Variants in MTMR7 observed in about 807,000 individuals in gnomAD.
The protein encoded by MTMR7 is phosphatidylinositol-3-phosphate phosphatase MTMR7.
In MTMR7, 76 loss-of-function variants were observed where a neutral mutation model predicts 81.2. That is an observed-to-expected ratio of 0.94 (90% CI 0.78 to 1.13). MTMR7 has a LOEUF of 1.13. Ranked by LOEUF, MTMR7 falls within the 50% of genes most tolerant of loss-of-function variation. The probability of loss-of-function intolerance (pLI) is 0.00; values close to 1 mark genes in which losing one functional copy is unlikely to be tolerated. For missense variants in MTMR7, 1,044 were observed against 820.0 expected, an observed-to-expected ratio of 1.27 and a Z score of -3.34; for synonymous variants, 372 against 289.8, an observed-to-expected ratio of 1.28 and a Z score of -2.88.
chr8:17,345,054 T>G (rs989236164), intron 5 of MTMR7, among the ~76,000 whole-genome samples: 6 of 152,312 alleles, frequency 3.9e-5, no homozygotes, highest in Admixed American at 1.3e-4. Context: ...CGAACGCACA[T>G]GACTAAGCAT....
chr8:17,395,946 G>C (rs1162812641), intron 1 of MTMR7, among the ~76,000 whole-genome samples: 1 of 152,142 alleles, frequency 6.6e-6, no homozygotes, highest in African/African-American at 2.4e-5. Context: ...ACTGGGAAAT[G>C]TATTTAGAGT....
chr8:17,306,393 A>G (rs75828577), intron 10 of MTMR7, among the ~76,000 whole-genome samples: 4,442 of 152,152 alleles, frequency 0.029, 233 homozygotes, highest in African/African-American at 0.1. Flanking sequence ...ACAACTTGAA[A>G]AAAAAAAATA....
At chr8:17,405,436 C>T (rs1247528079) in intron 1 of MTMR7, among the ~76,000 whole-genome samples, 1 of 152,150 alleles carries the variant, frequency 6.6e-6, no homozygotes, top group Non-Finnish European at 1.5e-5. Context: ...CATATGGATG[C>T]TGCACAGAGC....
intron 3 of MTMR7, among the ~76,000 whole-genome samples, chr8:17,368,340 C>A (rs913982479): frequency 9.9e-5 from 15 of 152,196 alleles, no homozygotes; most frequent in Non-Finnish European, 2.1e-4. Flanking sequence ...GGGACCCCTG[C>A]TCTACAGAAC....
chr8:17,369,765 C>G (rs1820354903), intron 3 of MTMR7, among the ~76,000 whole-genome samples: 1 of 151,236 alleles, frequency 6.6e-6, no homozygotes, highest in African/African-American at 2.4e-5. Context: ...CCTGCCTCAG[C>G]CTCCCAAGTA....
chr8:17,314,584 T>G (rs1817965934), intron 7 of MTMR7, among the ~76,000 whole-genome samples: 1 of 152,142 alleles, frequency 6.6e-6, no homozygotes, highest in Non-Finnish European at 1.5e-5. Flanking sequence ...GATAAGAGGA[T>G]TCACTGTGAT....
At chr8:17,391,277 G>C (rs1821100618) in intron 1 of MTMR7, among the ~76,000 whole-genome samples, 1 of 152,166 alleles carries the variant, frequency 6.6e-6, no homozygotes, top group African/African-American at 2.4e-5. Context: ...CAACTGGAAG[G>C]TTTACAGGGG....
chr8:17,303,679 G>A (rs568237723), intron 12 of MTMR7, among the ~76,000 whole-genome samples: 2 of 150,478 alleles, frequency 1.3e-5, no homozygotes, highest in East Asian at 2.0e-4. Flanking sequence ...GCACGATCTC[G>A]GCTCACCGCA....
chr8:17,395,269 A>G (rs1394192236), intron 1 of MTMR7, among the ~76,000 whole-genome samples: 1 of 152,208 alleles, frequency 6.6e-6, no homozygotes, highest in Admixed American at 6.5e-5. Flanking sequence ...TCAAGGCTGA[A>G]TAATATTCCA....
At chr8:17,410,651 A>G (rs1002133308) in intron 1 of MTMR7, among the ~76,000 whole-genome samples, 1 of 152,202 alleles carries the variant, frequency 6.6e-6, no homozygotes, top group Non-Finnish European at 1.5e-5. Flanking sequence ...TGCTCTGTTA[A>G]AGGCTTCAGT....
At chr8:17,387,317 G>T (rs947178211) in intron 1 of MTMR7, among the ~76,000 whole-genome samples, 3 of 152,186 alleles carry the variant, frequency 2.0e-5, no homozygotes, top group Non-Finnish European at 4.4e-5. Flanking sequence ...GCCAGTTTCA[G>T]CCAGGTTACG....
intron 3 of MTMR7, 51 bp downstream of exon 3, chr8:17,370,985 TG>T: frequency 6.4e-7 from 1 of 1,574,374 alleles, no homozygotes; most frequent in Non-Finnish European, 8.7e-7. Flanking sequence ...GAATCTGATT[TG>T]CAAATTTTTA....
chr8:17,404,373 G>A (rs941687396), intron 1 of MTMR7, among the ~76,000 whole-genome samples: 6 of 151,954 alleles, frequency 3.9e-5, no homozygotes, highest in African/African-American at 1.5e-4. Flanking sequence ...GAAGCGAGAG[G>A]GAATTAGTTC....
At chr8:17,361,867 T>A (rs1453030183) in intron 3 of MTMR7, among the ~76,000 whole-genome samples, 2 of 152,182 alleles carry the variant, frequency 1.3e-5, no homozygotes, top group Non-Finnish European at 2.9e-5. Context: ...ATAAAAAAAA[T>A]CAATTCATAC....
chr8:17,300,493 T>C (rs1238351515), intron 13 of MTMR7, among the ~76,000 whole-genome samples: 1 of 152,324 alleles, frequency 6.6e-6, no homozygotes, highest in African/African-American at 2.4e-5. Context: ...CAGTGAACCC[T>C]AGTCTCCCTC....
At chr8:17,347,287 T>C (rs1819584377) in intron 5 of MTMR7, among the ~76,000 whole-genome samples, 1 of 151,982 alleles carries the variant, frequency 6.6e-6, no homozygotes, top group South Asian at 2.1e-4. Context: ...AATAAAATAC[T>C]TTAGACCCTA....
chr8:17,370,856 G>C (rs1820396592), intron 3 of MTMR7, among the ~76,000 whole-genome samples, 181 bp downstream of exon 3: 1 of 151,994 alleles, frequency 6.6e-6, no homozygotes, highest in Non-Finnish European at 1.5e-5. Context: ...ACTCGGGGGA[G>C]ACTCTAAAAA....
Position 17,296,949 on chromosome 8 carries a change from G to C in MTMR7, c.*2913C>G, listed in dbSNP as rs1340542322. On this transcript the variant is annotated 3_prime_UTR_variant, in exon 14 of 14. Transcript: ENST00000180173. The stretch of plus-strand genomic sequence containing the variant: ...AATAGACAAATCAGTTTACATAAAG[G>C]TTATGTATGTCACCCACGATGAAAA... The C allele has an allele frequency of 6.6e-6, 1 of 152,096 alleles. No individual in the cohort carries two copies. Among genetic ancestry groups the C allele is most frequent in the African/African-American group, 2.4e-5 (1 of 41,422 alleles). 9.4% of individuals were successfully genotyped at this position (152,096 alleles called of 1,614,324 possible).
chr8:17,332,417 T>C (rs1819050728), intron 6 of MTMR7, among the ~76,000 whole-genome samples: 2 of 152,092 alleles, frequency 1.3e-5, no homozygotes, highest in Non-Finnish European at 2.9e-5. Flanking sequence ...CATGACTATC[T>C]CAATAGGACA....
Sources: gnomAD v4.1 joint callset for allele counts (sites outside exome capture counted in the v4.1 genomes callset) on GRCh38, gnomAD v4.1.1 for gene constraint, MANE v1.5 for transcripts, NCBI Gene and HGNC (gene_info 2026-07-23, HGNC 2026-07-21) for gene names.